Variants in THSD7A observed in about 807,000 individuals in gnomAD.
THSD7A encodes the protein thrombospondin type 1 domain containing 7A, also known as thrombospondin type-1 domain-containing protein 7A.
In THSD7A, 96 loss-of-function variants were observed where a neutral mutation model predicts 231.3. That is an observed-to-expected ratio of 0.41 (90% confidence interval 0.35 to 0.49). The LOEUF is 0.49. Ranked by LOEUF, THSD7A falls within the 20% of genes least tolerant of loss-of-function variation. The pLI is 0.05. For synonymous variants in THSD7A, 940 were observed against 743.3 expected (o/e 1.26, Z -4.30); for missense variants, 2,290 against 2,070.2 (o/e 1.11, Z -2.06).
intron 9 of THSD7A, among the ~76,000 whole-genome samples, chr7:11,464,574 C>T (rs1785626943): frequency 6.6e-6 from 1 of 152,110 alleles, no homozygotes; most frequent in Non-Finnish European, 1.5e-5. Context: ...CTGAAACATT[C>T]TCCTAATGCC....
chr7:11,806,386 T>A (rs911471754), intron 1 of THSD7A, among the ~76,000 whole-genome samples: 11 of 152,170 alleles, frequency 7.2e-5, no homozygotes, highest in Non-Finnish European at 1.5e-4. Context: ...CTTTTAGACC[T>A]TGGACTATAG....
At chr7:11,635,055 C>T (rs1039740956) in intron 2 of THSD7A, among the ~76,000 whole-genome samples, 2 of 152,118 alleles carry the variant, frequency 1.3e-5, no homozygotes, top group Non-Finnish European at 2.9e-5. Context: ...AAGAAGTTAA[C>T]ATGCAAATGT....
At chr7:11,387,942 C>T (rs1214336138) in intron 23 of THSD7A, among the ~76,000 whole-genome samples, 2 of 151,980 alleles carry the variant, frequency 1.3e-5, no homozygotes, top group Admixed American at 6.6e-5. Flanking sequence ...TTGACAAAGG[C>T]CTTTTCTGCA....
intron 1 of THSD7A, among the ~76,000 whole-genome samples, chr7:11,640,773 T>C (rs1321190008): frequency 6.6e-6 from 1 of 152,020 alleles, no homozygotes; most frequent in East Asian, 1.9e-4. Context: ...TACAAATGCC[T>C]TAAGAAATAA....
chr7:11,641,496 TTATAAA>T (rs949488604), intron 1 of THSD7A, among the ~76,000 whole-genome samples: 1 of 152,222 alleles, frequency 6.6e-6, no homozygotes, highest in South Asian at 2.1e-4. Context: ...AAAGCATATG[TTATAAA>T]TATAAATATA....
rs551878584 is a variant in THSD7A at position 11,579,094 on chromosome 7, T to C, written c.1453+11366A>G. ...GCTGTATCCTTGTATTTTGAGCATA[T>C]TTTTGTGTGCAATAAATGATGAGAC... On this transcript the variant is annotated intron_variant, in intron 4 of 27. Coordinates refer to ENST00000423059, the MANE Select transcript of THSD7A (RefSeq NM_015204.3). Among the ~76,000 whole-genome samples the C allele has an allele frequency of 5.3e-4, 81 of 152,340 alleles. 1 individual carries two copies. Among genetic ancestry groups the C allele is most frequent in the African/African-American group, 1.9e-3 (79 of 41,584 alleles).
chr7:11,542,054 T>C (rs1207267293), intron 5 of THSD7A, among the ~76,000 whole-genome samples: 2 of 152,258 alleles, frequency 1.3e-5, no homozygotes, highest in Non-Finnish European at 2.9e-5. Context: ...ACAAAAGTGC[T>C]ATTATTCTTA....
chr7:11,700,825 A>T (rs11984279), intron 1 of THSD7A, among the ~76,000 whole-genome samples: 47,903 of 150,790 alleles, frequency 0.32, 7,797 homozygotes, highest in South Asian at 0.5. Flanking sequence ...AAAAATAATA[A>T]ATTTCATCTC....
Position 11,499,447 on chromosome 7 carries a change from T to A in THSD7A, c.1823-17465A>T, listed in dbSNP as rs577439430. On this transcript the variant is annotated intron_variant, in intron 6 of 27. Transcript: ENST00000423059. ...AGAGCTTCAGTGGGCAGCCTAGGAGTGCCAAGTTGTTCTTAACCAGACTCA... is the reference window on the plus strand; with the variant it reads ...AGAGCTTCAGTGGGCAGCCTAGGAGAGCCAAGTTGTTCTTAACCAGACTCA... 2.6e-5 allele frequency among the ~76,000 whole-genome samples: 4 copies of A among 152,146 alleles called. No individual in the cohort carries two copies. In the South Asian group the frequency reaches 8.3e-4, roughly 32 times the overall value.
At chr7:11,748,594 C>A (rs1341769437) in intron 1 of THSD7A, among the ~76,000 whole-genome samples, 2 of 151,898 alleles carry the variant, frequency 1.3e-5, no homozygotes, top group African/African-American at 4.8e-5. Context: ...CAAGAGACAT[C>A]ATGAAAAGTC....
chr7:11,810,770 G>A (rs974003406), intron 1 of THSD7A, among the ~76,000 whole-genome samples: 2 of 152,130 alleles, frequency 1.3e-5, no homozygotes, highest in South Asian at 2.1e-4. Flanking sequence ...CCCTAGGGTG[G>A]TTTAATTTCA....
chr7:11,584,884 G>A (rs988945009), intron 4 of THSD7A, among the ~76,000 whole-genome samples: 1 of 152,134 alleles, frequency 6.6e-6, no homozygotes, highest in Non-Finnish European at 1.5e-5. Flanking sequence ...GTGTGAGTGC[G>A]AATATAGCCT....
At chr7:11,609,913 G>T (rs941847966) in intron 2 of THSD7A, among the ~76,000 whole-genome samples, 5 of 152,074 alleles carry the variant, frequency 3.3e-5, no homozygotes, top group African/African-American at 7.2e-5. Flanking sequence ...TTTGTTAAAT[G>T]ATCTTGAGAA....
intron 1 of THSD7A, among the ~76,000 whole-genome samples, chr7:11,822,465 G>A (rs1784904420): frequency 6.6e-6 from 1 of 152,032 alleles, no homozygotes; most frequent in Admixed American, 6.6e-5. Flanking sequence ...TGGACACTTA[G>A]GTTGATTCCA....
intron 1 of THSD7A, among the ~76,000 whole-genome samples, chr7:11,674,498 T>C (rs1486066942): frequency 1.3e-5 from 2 of 152,010 alleles, no homozygotes; most frequent in Non-Finnish European, 2.9e-5. Context: ...TCATCCTGAA[T>C]TACACCACAT....
chr7:11,775,868 C>T (rs1783389018), intron 1 of THSD7A, among the ~76,000 whole-genome samples: 1 of 151,914 alleles, frequency 6.6e-6, no homozygotes, highest in Non-Finnish European at 1.5e-5. Flanking sequence ...TTTAAAAATT[C>T]AAAAAGAAAT....
At chr7:11,644,696 G>C (rs913081087) in intron 1 of THSD7A, among the ~76,000 whole-genome samples, 1 of 151,972 alleles carries the variant, frequency 6.6e-6, no homozygotes, top group Non-Finnish European at 1.5e-5. Flanking sequence ...TCAGTGACTA[G>C]TATAGCTGAT....
intron 4 of THSD7A, among the ~76,000 whole-genome samples, chr7:11,574,054 T>A (rs1461100698): frequency 6.6e-6 from 1 of 152,174 alleles, no homozygotes; most frequent in African/African-American, 2.4e-5. Flanking sequence ...GTGTTATGAT[T>A]AGAGACGTCA....
intron 6 of THSD7A, among the ~76,000 whole-genome samples, chr7:11,483,128 AC>A (rs1451181008): frequency 6.6e-6 from 1 of 152,184 alleles, no homozygotes; most frequent in Non-Finnish European, 1.5e-5. Flanking sequence ...AGGGTGACTC[AC>A]CTTGCCATTC....
Sources: allele counts gnomAD v4.1 joint callset (sites outside exome capture counted in the v4.1 genomes callset), GRCh38; gene constraint gnomAD v4.1.1; transcripts MANE v1.5; gene names NCBI Gene and HGNC (gene_info 2026-07-23, HGNC 2026-07-21).